ARMC12: variants seen among roughly 807,000 people sequenced by gnomAD.
ARMC12 encodes the protein armadillo repeat containing 12.
ARMC12 carries 25 observed loss-of-function variants against 37.4 expected under a neutral mutation model. The ratio of observed to expected loss-of-function variants is 0.67; its 90% confidence interval spans 0.49 to 0.93. The LOEUF is 0.93. ARMC12 is among the 40% of genes least tolerant of loss of function. The pLI is 0.00. For synonymous variants in ARMC12, 167 were observed against 176.1 expected (o/e 0.95, Z 0.41); for missense variants, 384 against 426.6 (o/e 0.90, Z 0.88).
upstream of ARMC12, chr6:35,736,710 C>G (rs535408578): frequency 6.8e-5 from 15 of 221,526 alleles, no homozygotes; most frequent in Non-Finnish European, 2.8e-5. Flanking sequence ...CAGGCTTAAG[C>G]GATTCTCCTG....
At chr6:35,736,652 T>G (rs1766973316), upstream of ARMC12, among the ~76,000 whole-genome samples, 1 of 152,104 alleles carries the variant, frequency 6.6e-6, no homozygotes, top group Non-Finnish European at 1.5e-5. Flanking sequence ...GCTCTGTCGC[T>G]TAGGTTGGAG....
chr6:35,737,908 A>G (rs1767021375), intron 1 of ARMC12, 119 bp from the exon 2 acceptor site: 3 of 1,407,434 alleles, frequency 2.1e-6, no homozygotes, highest in Non-Finnish European at 3.0e-6. Context: ...ATATGGCGAG[A>G]AGGCTTCTCC....
intron 3 of ARMC12, among the ~76,000 whole-genome samples, chr6:35,740,961 G>A (rs1366920448): frequency 3.4e-5 from 5 of 145,492 alleles, no homozygotes; most frequent in African/African-American, 7.7e-5. Context: ...GTGCAGTGGC[G>A]TGATCTTGGC....
intron 4 of ARMC12, 24 bp downstream of exon 4, chr6:35,747,458 C>T: frequency 1.2e-6 from 2 of 1,613,936 alleles, no homozygotes; most frequent in Non-Finnish European, 1.7e-6. Flanking sequence ...ATGGCCAAGG[C>T]CCTGCCTTGC....
Position 35,737,192 on chromosome 6 carries a change from C to T in ARMC12, c.84C>T (p.Ile28=), listed in dbSNP as rs1414067369. The T allele has an allele frequency of 6.2e-7, 1 of 1,614,140 alleles. No individual in the cohort carries two copies. The highest frequency in any genetic ancestry group is 1.3e-5 in the African/African-American group (1 of 74,950). ...GCCTGGCCACAGGCGCCGGGGCGAT[C>T]TACCTGCTCTACAAGGCCATCAAGG... ...VVSLATGAGA[I]YLLYKAIKAG... Residue 28 remains isoleucine (I), a synonymous_variant, in exon 1 of 6, where the codon ATC becomes ATT. Coordinates refer to ENST00000373866, the MANE Select transcript of ARMC12 (RefSeq NM_001286574.2).
At chr6:35,738,544 C>T (rs1356907549) in intron 3 of ARMC12, 26 bp downstream of exon 3, 2 of 1,613,156 alleles carry the variant, frequency 1.2e-6, no homozygotes, top group South Asian at 2.2e-5. Context: ...CGTGGTGGGG[C>T]ATGCAGGATG....
Position 35,748,902 on chromosome 6 carries a change from G to A in ARMC12, c.*32G>A, listed in dbSNP as rs773955548. 1.3e-5 allele frequency: 20 copies of A among 1,558,026 alleles called. No individual in the cohort carries two copies. The East Asian group carries it at 4.3e-4, about 33-fold the overall frequency. On this transcript the variant is annotated 3_prime_UTR_variant, in exon 6 of 6. Coordinates refer to ENST00000373866, the MANE Select transcript of ARMC12 (RefSeq NM_001286574.2). ...GGAGAGCCAATAAATGAGTATAGGAGAGAAACTTGAAGTTTCTTGAAGCTC... is the reference window on the plus strand; with the variant it reads ...GGAGAGCCAATAAATGAGTATAGGAAAGAAACTTGAAGTTTCTTGAAGCTC...
chr6:35,732,219 G>C (rs1046884307), upstream of ARMC12, among the ~76,000 whole-genome samples: 1 of 152,174 alleles, frequency 6.6e-6, no homozygotes, highest in Non-Finnish European at 1.5e-5. Context: ...CTGGTTCCTG[G>C]GCAGGAGTAA....
At chr6:35,745,118 G>T (rs946916124) in intron 3 of ARMC12, among the ~76,000 whole-genome samples, 3 of 152,042 alleles carry the variant, frequency 2.0e-5, no homozygotes, top group Non-Finnish European at 2.9e-5. Context: ...TGAACTCTTG[G>T]GCCTTTATCC....
intron 2 of ARMC12, 60 bp downstream of exon 2, chr6:35,738,232 C>T: frequency 4.4e-6 from 7 of 1,575,278 alleles, no homozygotes; most frequent in South Asian, 1.1e-5. Context: ...CGGCCGATCC[C>T]TGCCCCTGGA....
In ARMC12 at chr6:35,743,891, A is replaced by G. The variant is rs117812438; in HGVS notation, c.445-3370A>G. 2.3e-4 allele frequency among the ~76,000 whole-genome samples: 34 copies of G among 150,560 alleles called. No individual in the cohort carries two copies. The East Asian group carries it at 5.5e-3, about 24-fold the overall frequency. ...ACCCAGGAGGTGGAGGTTGCATTGA[A>G]CCGAGATCACCACATTGCACTCCAG... On this transcript the variant is annotated intron_variant, in intron 3 of 5. Transcript: ENST00000373866.
chr6:35,747,725 C>G, intron 5 of ARMC12, 78 bp downstream of exon 5: 1 of 1,425,822 alleles, frequency 7.0e-7, no homozygotes. Flanking sequence ...CATCTCCAGA[C>G]AGATTTACCC....
At chr6:35,745,737 G>A (rs149375566) in intron 3 of ARMC12, among the ~76,000 whole-genome samples, 1 of 152,288 alleles carries the variant, frequency 6.6e-6, no homozygotes, top group African/African-American at 2.4e-5. Context: ...GCAACTTCCT[G>A]TAAATTTATA....
In ARMC12 at chr6:35,742,354, G is replaced by A. The variant is rs777789076; in HGVS notation, c.444+3836G>A. On this transcript the variant is annotated intron_variant, in intron 3 of 5. Transcript: ENST00000373866. ...CTACTAAAAATACAAAAATTAGCCGGACGTGGTGGCGGGCACCTGTAATCC... is the reference window on the plus strand; with the variant it reads ...CTACTAAAAATACAAAAATTAGCCGAACGTGGTGGCGGGCACCTGTAATCC... 5.5e-4 allele frequency among the ~76,000 whole-genome samples: 83 copies of A among 151,664 alleles called. 2 individuals are homozygous for A. The highest frequency in any genetic ancestry group is 9.7e-5 in the African/African-American group (4 of 41,268).
intron 3 of ARMC12, among the ~76,000 whole-genome samples, chr6:35,744,976 GCTGGC>G (rs1767293362): frequency 6.6e-6 from 1 of 152,166 alleles, no homozygotes; most frequent in Non-Finnish European, 1.5e-5. Flanking sequence ...GATACCAAAT[GCTGGC>G]AAAGATATAG....
intron 3 of ARMC12, among the ~76,000 whole-genome samples, chr6:35,740,631 C>T (rs1767134906): frequency 6.6e-6 from 1 of 152,168 alleles, no homozygotes; most frequent in South Asian, 2.1e-4. Flanking sequence ...AGCCCCCTCC[C>T]ACATCTTGGC....
At chr6:35,748,394 TAAAAG>T in intron 5 of ARMC12, 139 bp from the exon 6 acceptor site, 2 of 558,280 alleles carry the variant, frequency 3.6e-6, no homozygotes, top group African/African-American at 1.9e-5. Flanking sequence ...AGGATAATAA[TAAAAG>T]AAAAACTAAA....
At chr6:35,739,887 C>T (rs1767114159) in intron 3 of ARMC12, among the ~76,000 whole-genome samples, 1 of 152,196 alleles carries the variant, frequency 6.6e-6, no homozygotes, top group African/African-American at 2.4e-5. Flanking sequence ...TGTCCAGCTG[C>T]TCACCCCTCC....
At chr6:35,744,942 A>C (rs946567195) in intron 3 of ARMC12, among the ~76,000 whole-genome samples, 4 of 152,224 alleles carry the variant, frequency 2.6e-5, no homozygotes, top group Non-Finnish European at 5.9e-5. Context: ...ACCTATTAGA[A>C]GATCTAAAAT....
Sources: allele counts gnomAD v4.1 joint callset (sites outside exome capture counted in the v4.1 genomes callset), GRCh38; gene constraint gnomAD v4.1.1; transcripts MANE v1.5; gene names NCBI Gene and HGNC (gene_info 2026-07-23, HGNC 2026-07-21).